The following SLC4A4 variants were observed in gnomAD, a reference collection of about 807,000 sequenced individuals.
SLC4A4 encodes the protein solute carrier family 4 member 4.
Under a neutral mutation model 111.5 loss-of-function variants are expected in SLC4A4, and 27 were observed. That is an observed-to-expected ratio of 0.24 (90% confidence interval 0.18 to 0.33). The LOEUF is 0.33. Among genes scored for constraint, SLC4A4 ranks in the 10% least tolerant of loss-of-function variants. The pLI is 1.00. For missense variants in SLC4A4, 909 were observed against 1,315.5 expected (o/e 0.69, Z 4.78); for synonymous variants, 443 against 463.4 (o/e 0.96, Z 0.57).
At chr4:71,255,440 T>TC in intron 3 of SLC4A4, 41 bp downstream of exon 3, 1 of 1,599,934 alleles carries the variant, frequency 6.3e-7, no homozygotes, top group Non-Finnish European at 8.6e-7. Context: ...TCTGCCTCAC[T>TC]CCCACATCTT....
At chr4:71,239,372 G>A (rs535147905) in intron 2 of SLC4A4, among the ~76,000 whole-genome samples, 1 of 152,192 alleles carries the variant, frequency 6.6e-6, no homozygotes, top group African/African-American at 2.4e-5. Context: ...TGAAATATTT[G>A]TGCTTTAAAA....
At chr4:71,391,845 G>C (rs1432600207) in intron 6 of SLC4A4, among the ~76,000 whole-genome samples, 1 of 151,954 alleles carries the variant, frequency 6.6e-6, no homozygotes. Flanking sequence ...AGCTTTGAGT[G>C]GATGAAACAC....
intron 2 of SLC4A4, among the ~76,000 whole-genome samples, chr4:71,141,261 T>G (rs1743987114): frequency 6.6e-6 from 1 of 152,214 alleles, no homozygotes; most frequent in South Asian, 2.1e-4. Context: ...CTTTCATTCT[T>G]GCCCCACTTT....
At chr4:71,268,480 A>G (rs904980835) in intron 3 of SLC4A4, among the ~76,000 whole-genome samples, 1 of 152,132 alleles carries the variant, frequency 6.6e-6, no homozygotes, top group African/African-American at 2.4e-5. Context: ...GGCGATTTAT[A>G]CTTTGGTTTT....
intron 6 of SLC4A4, among the ~76,000 whole-genome samples, chr4:71,381,794 A>G (rs1289242813): frequency 6.6e-6 from 1 of 151,836 alleles, no homozygotes; most frequent in Non-Finnish European, 1.5e-5. Context: ...TTGGCTCACT[A>G]GACTGTTTTT....
chr4:71,275,030 T>C (rs567481383), intron 3 of SLC4A4, among the ~76,000 whole-genome samples: 18 of 152,312 alleles, frequency 1.2e-4, no homozygotes, highest in African/African-American at 1.7e-4. Flanking sequence ...TTGTCTTTCA[T>C]TGATTCCTTT....
In SLC4A4 at chr4:71,466,495, CT is replaced by C; in HGVS notation, c.1554del (p.Phe518LeufsTer9). 6.2e-7 allele frequency: 1 copy of C among 1,613,646 alleles called. No homozygotes were observed. Among genetic ancestry groups the C allele is most frequent in the African/African-American group, 1.3e-5 (1 of 74,986 alleles). ...TGCTGTCTCTGGAGCCATCTTTTGCCTTTTTGCTGGTCAACCACTCACTATT... is the reference window on the plus strand; with the variant it reads ...TGCTGTCTCTGGAGCCATCTTTTGCCTTTTGCTGGTCAACCACTCACTATT... ...GTAVSGAIFC[L>X]FAGQPLTILS... is the part of the protein sequence containing the mutation. On this transcript the variant is annotated frameshift_variant, in exon 13 of 26. Transcript: ENST00000264485. LOFTEE classifies it high-confidence loss of function.
chr4:71,358,310 G>A lies in SLC4A4; in HGVS notation c.730+1123G>A, dbSNP rs537781000. 6.1e-5 allele frequency among the ~76,000 whole-genome samples: 9 copies of A among 146,512 alleles called. No homozygotes were observed. The South Asian group carries it at 6.5e-4, about 11-fold the overall frequency. ...AGCCTGGGCTACAGAGCGAGACTCC[G>A]TCTGAAAAAAAAAAAAAAAGAGAGA... On this transcript the variant is annotated intron_variant, in intron 6 of 25. Transcript: ENST00000264485.
At chr4:71,379,452 T>C (rs1022038262) in intron 6 of SLC4A4, among the ~76,000 whole-genome samples, 3 of 152,156 alleles carry the variant, frequency 2.0e-5, no homozygotes, top group African/African-American at 7.2e-5. Context: ...ATTTAACCTA[T>C]CCCTAAAGCT....
At chr4:71,455,403 G>A (rs894051511) in intron 12 of SLC4A4, among the ~76,000 whole-genome samples, 1 of 152,092 alleles carries the variant, frequency 6.6e-6, no homozygotes, top group Admixed American at 6.6e-5. Flanking sequence ...GTCAGTAATA[G>A]AATTTTTATA....
intron 6 of SLC4A4, among the ~76,000 whole-genome samples, chr4:71,376,192 C>CAT (rs1553900732): frequency 1.4e-5 from 2 of 146,474 alleles, no homozygotes; most frequent in African/African-American, 2.5e-5. Flanking sequence ...CACACACACA[C>CAT]ATATATATGT....
chr4:71,437,386 T>C, intron 7 of SLC4A4: 2 of 313,980 alleles, frequency 6.4e-6, no homozygotes, highest in Non-Finnish European at 1.3e-5. Context: ...TACTATCAGT[T>C]TGTGGTGGGG....
rs188513541 is a variant in SLC4A4 at position 71,417,332 on chromosome 4, G to A, written c.807+19679G>A. On this transcript the variant is annotated intron_variant, in intron 7 of 25. Coordinates refer to ENST00000264485, the MANE Select transcript of SLC4A4 (RefSeq NM_001098484.3). The stretch of plus-strand genomic sequence containing the variant: ...CAGAGGTAAGGCTAGGGAAAGTCAG[G>A]GAAGGTGGGGGGTAGTCAGGGGAGT... Among the ~76,000 whole-genome samples, 211 of 152,248 alleles carry A rather than the reference G, an allele frequency of 1.4e-3. 1 individual carries two copies. Among genetic ancestry groups the A allele is most frequent in the African/African-American group, 4.6e-3 (193 of 41,538 alleles).
chr4:71,124,039 C>G (rs1158283302), intron 2 of SLC4A4, among the ~76,000 whole-genome samples: 2 of 152,118 alleles, frequency 1.3e-5, no homozygotes, highest in African/African-American at 4.8e-5. Flanking sequence ...ACTTTGATTT[C>G]TCTAGCATGT....
chr4:71,086,775 A>G (rs1293353210), intron 1 of SLC4A4, among the ~76,000 whole-genome samples: 1 of 152,060 alleles, frequency 6.6e-6, no homozygotes, highest in Non-Finnish European at 1.5e-5. Context: ...GTGGTAGATA[A>G]GCTTCTTGAT....
intron 7 of SLC4A4, among the ~76,000 whole-genome samples, chr4:71,426,979 A>G (rs1723203711): frequency 6.6e-6 from 1 of 152,120 alleles, no homozygotes; most frequent in Non-Finnish European, 1.5e-5. Flanking sequence ...GTGAAATAAG[A>G]ATTTATTAAG....
intron 3 of SLC4A4, among the ~76,000 whole-genome samples, chr4:71,294,665 A>G (rs1724633360): frequency 1.3e-5 from 2 of 152,246 alleles, no homozygotes; most frequent in South Asian, 4.1e-4. Context: ...CATCAATTAC[A>G]GAAGACACAT....
intron 2 of SLC4A4, among the ~76,000 whole-genome samples, chr4:71,248,970 C>T (rs1720870894): frequency 6.6e-6 from 1 of 152,152 alleles, no homozygotes; most frequent in South Asian, 2.1e-4. Context: ...ACCTTTTATT[C>T]TGTAGCTCTT....
intron 18 of SLC4A4, 66 bp from the exon 19 acceptor site, chr4:71,546,284 T>C (rs758856803): frequency 2.0e-5 from 28 of 1,388,628 alleles, no homozygotes; most frequent in Admixed American, 1.7e-4. Context: ...AATTCCCCTC[T>C]GGAAATATGA....
Sources: allele counts gnomAD v4.1 joint callset (sites outside exome capture counted in the v4.1 genomes callset), GRCh38; gene constraint gnomAD v4.1.1; transcripts MANE v1.5; gene names NCBI Gene and HGNC (gene_info 2026-07-23, HGNC 2026-07-21).